Variants in MDGA2 observed in about 807,000 individuals in gnomAD.
MDGA2 encodes MAM domain-containing glycosylphosphatidylinositol anchor protein 2.
A neutral mutation model predicts 117.8 loss-of-function variants in MDGA2; 40 were observed. The observed-to-expected ratio is 0.34, with a 90% CI of 0.26 to 0.44. The LOEUF is 0.44. Among genes scored for constraint, MDGA2 ranks in the 20% least tolerant of loss-of-function variants. The probability of loss-of-function intolerance (pLI) is 1.00; values close to 1 mark genes in which losing one functional copy is unlikely to be tolerated. For synonymous variants in MDGA2, 452 were observed against 439.0 expected (o/e 1.03, Z -0.37); for missense variants, 1,123 against 1,250.6 (o/e 0.90, Z 1.54).
intron 1 of MDGA2, among the ~76,000 whole-genome samples, chr14:47,603,174 C>T (rs1193153430): frequency 2.0e-5 from 3 of 152,174 alleles, no homozygotes; most frequent in African/African-American, 7.2e-5. Flanking sequence ...GATGCAGAGA[C>T]AGGCAATATT....
chr14:47,337,262 A>T (rs935554826), intron 1 of MDGA2, among the ~76,000 whole-genome samples: 1 of 152,050 alleles, frequency 6.6e-6, no homozygotes, highest in African/African-American at 2.4e-5. Context: ...TAAAAATTCT[A>T]TATGTTCAAA....
chr14:47,561,157 T>G (rs369644947), intron 1 of MDGA2, among the ~76,000 whole-genome samples: 8,216 of 65,886 alleles, frequency 0.12, 1,012 homozygotes, highest in East Asian at 0.23. Flanking sequence ...TTTTTTGTTT[T>G]GTTTTGTTTT....
At chr14:47,352,962 T>C (rs908959198) in intron 1 of MDGA2, among the ~76,000 whole-genome samples, 1 of 152,266 alleles carries the variant, frequency 6.6e-6, no homozygotes, top group South Asian at 2.1e-4. Context: ...AGAAAAAGAA[T>C]ATTTTGAAAG....
In MDGA2 at chr14:47,453,134, C is replaced by T. The variant is rs1391118166; in HGVS notation, c.281-151584G>A. On this transcript the variant is annotated intron_variant, in intron 1 of 16. Coordinates refer to ENST00000399232, the MANE Select transcript of MDGA2 (RefSeq NM_001113498.3). Reference sequence around the variant, plus strand: ...TCTGTAATAATATTATAATTTATTACATGCTCTATTAATATATACATTTAT... The same window carrying T: ...TCTGTAATAATATTATAATTTATTATATGCTCTATTAATATATACATTTAT... 2.6e-5 allele frequency among the ~76,000 whole-genome samples: 4 copies of T among 151,982 alleles called. No homozygotes were observed. In the East Asian group the frequency reaches 7.7e-4, roughly 29 times the overall value.
chr14:47,063,533 A>G (rs1330614198), intron 6 of MDGA2, among the ~76,000 whole-genome samples: 3 of 151,980 alleles, frequency 2.0e-5, no homozygotes, highest in Non-Finnish European at 4.4e-5. Flanking sequence ...ATACAATGCC[A>G]ATGTAATTGA....
At chr14:46,948,247 A>C (rs142674500) in intron 9 of MDGA2, among the ~76,000 whole-genome samples, 158 of 151,966 alleles carry the variant, frequency 1.0e-3, no homozygotes, top group Non-Finnish European at 1.8e-3. Flanking sequence ...AGATTATTCC[A>C]TTTGTCTTCT....
At chr14:47,253,125 C>A (rs566601501) in intron 2 of MDGA2, among the ~76,000 whole-genome samples, 1 of 152,136 alleles carries the variant, frequency 6.6e-6, no homozygotes, top group Non-Finnish European at 1.5e-5. Context: ...ATTATGGAAA[C>A]TACAATTCAA....
intron 1 of MDGA2, among the ~76,000 whole-genome samples, chr14:47,664,170 G>A (rs963338652): frequency 3.9e-5 from 6 of 152,070 alleles, no homozygotes; most frequent in East Asian, 1.9e-4. Context: ...CACGTGCATC[G>A]AAATACAATA....
intron 1 of MDGA2, among the ~76,000 whole-genome samples, chr14:47,599,340 G>T (rs74046656): frequency 0.012 from 1,854 of 150,938 alleles, 45 homozygotes; most frequent in African/African-American, 0.043. Flanking sequence ...TTATTCAAAT[G>T]GCATCAAATC....
chr14:47,593,278 T>C, intron 1 of MDGA2, among the ~76,000 whole-genome samples: 1 of 152,180 alleles, frequency 6.6e-6, no homozygotes, highest in East Asian at 1.9e-4. Context: ...TTTACACTGT[T>C]GGTGGGAATG....
rs17117915 is a variant in MDGA2, at chr14:47,023,560, G to A, written c.1819+11451C>T. On this transcript the variant is annotated intron_variant, in intron 8 of 16. Coordinates refer to ENST00000399232, the MANE Select transcript of MDGA2 (RefSeq NM_001113498.3). ...AAATTATGAATACATAGCAAAGCTG[G>A]AATTCAAACCAGGTCTTTAATTCAG... Among the ~76,000 whole-genome samples, 580 of 152,220 alleles carry A rather than the reference G, an allele frequency of 3.8e-3. 7 individuals are homozygous for A. Among genetic ancestry groups the A allele is most frequent in the African/African-American group, 0.013 (552 of 41,532 alleles).
chr14:47,040,065 G>A (rs1456160701), intron 7 of MDGA2, among the ~76,000 whole-genome samples: 1 of 151,996 alleles, frequency 6.6e-6, no homozygotes, highest in Admixed American at 6.6e-5. Context: ...AATTTTCAAT[G>A]AATGTTAACA....
At chr14:47,408,728 A>C (rs1436003195) in intron 1 of MDGA2, among the ~76,000 whole-genome samples, 17 of 152,236 alleles carry the variant, frequency 1.1e-4, no homozygotes, top group Non-Finnish European at 1.5e-5. Context: ...TAATTAAATT[A>C]GATAGTATTA....
At chr14:47,186,621 A>C (rs1387391774) in intron 3 of MDGA2, among the ~76,000 whole-genome samples, 3 of 151,908 alleles carry the variant, frequency 2.0e-5, no homozygotes, top group Non-Finnish European at 2.9e-5. Context: ...GTGTTTAGGA[A>C]ATTGTCAAGA....
At chr14:47,106,008 A>C (rs1880651571) in intron 5 of MDGA2, among the ~76,000 whole-genome samples, 1 of 151,090 alleles carries the variant, frequency 6.6e-6, no homozygotes, top group South Asian at 2.1e-4. Flanking sequence ...CCAGCAATTT[A>C]CTCTTAAAAA....
chr14:47,396,874 T>G (rs1594836081), intron 1 of MDGA2, among the ~76,000 whole-genome samples: 1 of 152,174 alleles, frequency 6.6e-6, no homozygotes, highest in Non-Finnish European at 1.5e-5. Context: ...AGAATGCTTT[T>G]ACACTGTTGG....
At chr14:46,912,505 C>T (rs746514213) in intron 10 of MDGA2, among the ~76,000 whole-genome samples, 70 of 152,104 alleles carry the variant, frequency 4.6e-4, no homozygotes, top group Non-Finnish European at 7.8e-4. Flanking sequence ...GTTTTATGCT[C>T]CCCTATCACT....
At chr14:47,081,282 T>A (rs1890698941) in intron 6 of MDGA2, among the ~76,000 whole-genome samples, 1 of 152,184 alleles carries the variant, frequency 6.6e-6, no homozygotes, top group South Asian at 2.1e-4. Flanking sequence ...TACCATGTTA[T>A]CTTTAGTCTA....
chr14:47,028,186 T>C (rs1225816598), intron 8 of MDGA2, among the ~76,000 whole-genome samples: 1 of 152,130 alleles, frequency 6.6e-6, no homozygotes, highest in African/African-American at 2.4e-5. Flanking sequence ...GGATATATAG[T>C]CTTAATGCAG....
Sources: allele counts gnomAD v4.1 joint callset (sites outside exome capture counted in the v4.1 genomes callset), GRCh38; gene constraint gnomAD v4.1.1; transcripts MANE v1.5; gene names NCBI Gene and HGNC (gene_info 2026-07-23, HGNC 2026-07-21).